The following CCNY variants were observed in gnomAD, a reference collection of about 807,000 sequenced individuals.
CCNY encodes the protein cyclin Y, also known as cyclin-Y.
CCNY carries 19 observed loss-of-function variants against 42.8 expected under a neutral mutation model. That is an observed-to-expected ratio of 0.44 (90% CI 0.31 to 0.65). CCNY has a LOEUF of 0.65. Ranked by LOEUF, CCNY falls within the 30% of genes least tolerant of loss-of-function variation. The pLI, the probability that CCNY is intolerant of heterozygous loss-of-function variation, is 0.07. For synonymous variants in CCNY, 165 were observed against 162.7 expected (o/e 1.01, Z -0.11); for missense variants, 370 against 437.3 (o/e 0.85, Z 1.37).
chr10:35,568,813 G>C (rs1181129437), intron 9 of CCNY, among the ~76,000 whole-genome samples: 5 of 152,256 alleles, frequency 3.3e-5, no homozygotes, highest in African/African-American at 4.8e-5. Flanking sequence ...AGGTGACACT[G>C]TACTGTTATT....
At chr10:35,354,763 A>C (rs1205720534) in intron 1 of CCNY, among the ~76,000 whole-genome samples, 1 of 152,148 alleles carries the variant, frequency 6.6e-6, no homozygotes, top group Non-Finnish European at 1.5e-5. Flanking sequence ...CATGGAGACA[A>C]AGGGTGAGGA....
intron 3 of CCNY, among the ~76,000 whole-genome samples, chr10:35,259,256 G>T (rs1012336712): frequency 1.3e-5 from 2 of 151,970 alleles, no homozygotes; most frequent in African/African-American, 4.8e-5. Context: ...ATTTTTCCTT[G>T]GGTGGGGTTT....
At chr10:35,331,229 C>T (rs898834467) in intron 3 of CCNY, among the ~76,000 whole-genome samples, 2 of 152,214 alleles carry the variant, frequency 1.3e-5, no homozygotes, top group African/African-American at 4.8e-5. Flanking sequence ...GCACAGTAGC[C>T]ACCTCTCTCA....
chr10:35,341,965 A>G (rs1836191418), intron 1 of CCNY, among the ~76,000 whole-genome samples: 2 of 152,318 alleles, frequency 1.3e-5, no homozygotes, highest in Non-Finnish European at 2.9e-5. Context: ...CAAATGCTCA[A>G]TTAACCAAAA....
intron 1 of CCNY, among the ~76,000 whole-genome samples, chr10:35,370,386 T>C (rs1400811067): frequency 6.6e-6 from 1 of 151,956 alleles, no homozygotes; most frequent in Non-Finnish European, 1.5e-5. Context: ...CTCCTGACCT[T>C]GTGATCCGCC....
At chr10:35,424,470 A>C (rs899232915) in intron 1 of CCNY, among the ~76,000 whole-genome samples, 2 of 152,050 alleles carry the variant, frequency 1.3e-5, no homozygotes, top group African/African-American at 4.8e-5. Flanking sequence ...AGGTGATCTG[A>C]CCGCCTCGGC....
intron 8 of CCNY, among the ~76,000 whole-genome samples, chr10:35,554,913 C>A (rs1412786696): frequency 6.6e-6 from 1 of 152,096 alleles, no homozygotes; most frequent in Non-Finnish European, 1.5e-5. Context: ...GGAGGAGATG[C>A]CTTTTGTACT....
chr10:35,376,660 A>T (rs1165050303), intron 1 of CCNY, among the ~76,000 whole-genome samples: 1 of 152,202 alleles, frequency 6.6e-6, no homozygotes, highest in African/African-American at 2.4e-5. Flanking sequence ...AATCCAGAAC[A>T]TTTCTGGTCC....
At chr10:35,327,510 T>TA (rs1371184319) in intron 3 of CCNY, among the ~76,000 whole-genome samples, 2 of 152,162 alleles carry the variant, frequency 1.3e-5, no homozygotes, top group Non-Finnish European at 2.9e-5. Context: ...TTCCAAATTT[T>TA]AAAAAAATCA....
rs139308621 is a variant in CCNY, at chr10:35,375,657, T to G, written c.154+38450T>G. Among the ~76,000 whole-genome samples the G allele has an allele frequency of 7.5e-3, 1,143 of 152,374 alleles. 13 individuals are homozygous for G. Among genetic ancestry groups the G allele is most frequent in the African/African-American group, 0.026 (1,077 of 41,580 alleles). ...GGCTTGCTTTCAGTATAGGGAAGTC[T>G]TAGTTTTTGCTGCCTCACAGATGTA... is the stretch of plus-strand genomic sequence containing the variant. On this transcript the variant is annotated intron_variant, in intron 1 of 9. Transcript: ENST00000374704.
chr10:35,257,536 G>C (rs996094182), intron 3 of CCNY, among the ~76,000 whole-genome samples: 13 of 152,012 alleles, frequency 8.6e-5, no homozygotes, highest in Admixed American at 6.6e-4. Context: ...TGTTTGTTTT[G>C]TTTTCTTTTA....
intron 1 of CCNY, among the ~76,000 whole-genome samples, chr10:35,342,873 C>A (rs1053647172): frequency 6.6e-6 from 1 of 152,128 alleles, no homozygotes; most frequent in African/African-American, 2.4e-5. Flanking sequence ...AGAGAATGAT[C>A]CGTGTCTAGA....
chr10:35,516,842 G>T (rs1223178727), intron 4 of CCNY, among the ~76,000 whole-genome samples: 1 of 151,534 alleles, frequency 6.6e-6, no homozygotes, highest in Non-Finnish European at 1.5e-5. Context: ...TAAGTGTGGG[G>T]TATTGAAATA....
chr10:35,330,916 T>C (rs867107316), intron 3 of CCNY, among the ~76,000 whole-genome samples: 6 of 152,240 alleles, frequency 3.9e-5, no homozygotes, highest in South Asian at 2.1e-4. Context: ...GGCACGGCCA[T>C]GCCCGGCTAA....
At chr10:35,486,545 TC>T (rs1050121885) in intron 2 of CCNY, among the ~76,000 whole-genome samples, 24 of 152,168 alleles carry the variant, frequency 1.6e-4, no homozygotes, top group African/African-American at 5.5e-4. Context: ...CCCTCTCTAG[TC>T]CCTGGTCTGT....
intron 3 of CCNY, among the ~76,000 whole-genome samples, chr10:35,312,382 CAAAAAAAA>C (rs35909291): frequency 3.3e-5 from 2 of 61,470 alleles, no homozygotes; most frequent in East Asian, 4.8e-4. Context: ...CTCTGTGTCA[CAAAAAAAA>C]AAAAAAAAAA....
intron 1 of CCNY, among the ~76,000 whole-genome samples, chr10:35,452,025 G>A (rs1430286416): frequency 1.3e-5 from 2 of 152,142 alleles, no homozygotes; most frequent in East Asian, 1.9e-4. Flanking sequence ...AGTTCAAATA[G>A]TAATGTATGC....
chr10:35,523,598 G>A (rs114016300), intron 4 of CCNY, among the ~76,000 whole-genome samples: 1,581 of 152,266 alleles, frequency 0.01, 23 homozygotes, highest in African/African-American at 0.036. Context: ...GTCTTAAGCC[G>A]TGATAATATC....
intron 3 of CCNY, among the ~76,000 whole-genome samples, chr10:35,300,676 C>T (rs185329918): frequency 6.6e-6 from 1 of 152,262 alleles, no homozygotes; most frequent in Non-Finnish European, 1.5e-5. Context: ...AACTGCTTTA[C>T]TCAGTGGGTT....
Sources: allele counts gnomAD v4.1 joint callset (sites outside exome capture counted in the v4.1 genomes callset), GRCh38; gene constraint gnomAD v4.1.1; transcripts MANE v1.5; gene names NCBI Gene and HGNC (gene_info 2026-07-23, HGNC 2026-07-21).